Variants in CTIF observed in about 807,000 individuals in gnomAD.
CTIF encodes the protein cap binding complex dependent translation initiation factor.
CTIF carries 21 observed loss-of-function variants against 66.0 expected under a neutral mutation model. That is an observed-to-expected ratio of 0.32 (90% CI 0.23 to 0.46). The LOEUF is 0.46. Ranked by LOEUF, CTIF falls within the 20% of genes least tolerant of loss-of-function variation. CTIF has a pLI of 1.00. For synonymous variants in CTIF, 345 were observed against 326.4 expected (o/e 1.06, Z -0.62); for missense variants, 739 against 812.7 (o/e 0.91, Z 1.10).
intron 1 of CTIF, among the ~76,000 whole-genome samples, chr18:48,593,211 G>A (rs1017105449): frequency 9.9e-5 from 15 of 152,244 alleles, no homozygotes; most frequent in South Asian, 8.3e-4. Flanking sequence ...GCTGGGGAAC[G>A]CACCCAAGAT....
intron 7 of CTIF, among the ~76,000 whole-genome samples, chr18:48,729,784 G>A (rs1245956888): frequency 3.3e-5 from 5 of 152,230 alleles, no homozygotes; most frequent in African/African-American, 1.2e-4. Context: ...CAGATATGGT[G>A]GGGGTTCAGA....
At chr18:48,641,814 G>C (rs1374944191) in intron 3 of CTIF, among the ~76,000 whole-genome samples, 2 of 152,150 alleles carry the variant, frequency 1.3e-5, no homozygotes, top group Admixed American at 1.3e-4. Context: ...TTTCTCTACT[G>C]TTCCCCATCC....
intron 1 of CTIF, among the ~76,000 whole-genome samples, chr18:48,610,147 A>G (rs1423818937): frequency 2.0e-5 from 3 of 152,160 alleles, no homozygotes; most frequent in Admixed American, 2.0e-4. Context: ...AGGATTACGC[A>G]GTCTTATCAA....
At chr18:48,847,895 G>A (rs11665050) in intron 10 of CTIF, among the ~76,000 whole-genome samples, 3,108 of 152,248 alleles carry the variant, frequency 0.02, 43 homozygotes, top group Non-Finnish European at 0.028. Flanking sequence ...CTCCCTGAAC[G>A]GAGACCTAGA....
chr18:48,632,691 C>T (rs1032045010), intron 2 of CTIF, among the ~76,000 whole-genome samples: 4 of 152,204 alleles, frequency 2.6e-5, no homozygotes, highest in Admixed American at 6.5e-5. Flanking sequence ...TGTTGCCCCT[C>T]TTGGGCACCT....
intron 7 of CTIF, among the ~76,000 whole-genome samples, chr18:48,751,447 C>T (rs1199500750): frequency 6.6e-6 from 1 of 152,200 alleles, no homozygotes; most frequent in African/African-American, 2.4e-5. Flanking sequence ...TCCAAATGGA[C>T]CCTCAGCTTC....
At chr18:48,846,497 AGATG>A (rs1555705172) in intron 10 of CTIF, among the ~76,000 whole-genome samples, 2,383 of 136,842 alleles carry the variant, frequency 0.017, 31 homozygotes, top group Non-Finnish European at 0.025. Context: ...ATGAAAGGAT[AGATG>A]GATGGATGGA....
chr18:48,631,365 C>A (rs552217193), intron 2 of CTIF, among the ~76,000 whole-genome samples: 4 of 152,200 alleles, frequency 2.6e-5, no homozygotes, highest in African/African-American at 9.6e-5. Flanking sequence ...ACTTGGGAGG[C>A]TGAGGCAGGA....
At chr18:48,680,047 C>G (rs1267050334) in intron 6 of CTIF, among the ~76,000 whole-genome samples, 1 of 152,140 alleles carries the variant, frequency 6.6e-6, no homozygotes, top group East Asian at 1.9e-4. Flanking sequence ...TGCTCTCCAG[C>G]AAGGAAATGC....
intron 9 of CTIF, among the ~76,000 whole-genome samples, chr18:48,791,520 C>T (rs56848645): frequency 0.057 from 8,572 of 151,402 alleles, 358 homozygotes; most frequent in East Asian, 0.2. Context: ...GGAAGCCCCT[C>T]CCTCCCACCC....
At chr18:48,759,351 A>G (rs1298135043) in intron 8 of CTIF, among the ~76,000 whole-genome samples, 2 of 151,864 alleles carry the variant, frequency 1.3e-5, no homozygotes, top group Non-Finnish European at 2.9e-5. Context: ...ATCCTCCCCT[A>G]CTGCCGACTC....
chr18:48,851,883 T>TC (rs1294295396), intron 10 of CTIF, among the ~76,000 whole-genome samples: 1 of 152,138 alleles, frequency 6.6e-6, no homozygotes, highest in Non-Finnish European at 1.5e-5. Context: ...TTAAGGATTT[T>TC]TTTTTCCTGC....
intron 10 of CTIF, among the ~76,000 whole-genome samples, chr18:48,847,999 C>T (rs766862549): frequency 9.8e-5 from 15 of 152,298 alleles, no homozygotes; most frequent in African/African-American, 3.1e-4. Context: ...GTCCAGGTCC[C>T]GCAGAGGCAC....
intron 1 of CTIF, among the ~76,000 whole-genome samples, chr18:48,581,202 T>G (rs1378999123): frequency 3.3e-5 from 5 of 150,924 alleles, no homozygotes; most frequent in Non-Finnish European, 7.4e-5. Flanking sequence ...GAGTTTGATG[T>G]TTTTTTTTGT....
chr18:48,683,710 C>A (rs2091786795), intron 6 of CTIF, among the ~76,000 whole-genome samples: 1 of 152,154 alleles, frequency 6.6e-6, no homozygotes, highest in Non-Finnish European at 1.5e-5. Flanking sequence ...GGAGTGTTTT[C>A]ATTACTCCTG....
At chr18:48,645,408 G>C (rs924335967) in intron 3 of CTIF, among the ~76,000 whole-genome samples, 2 of 152,098 alleles carry the variant, frequency 1.3e-5, no homozygotes, top group Non-Finnish European at 2.9e-5. Flanking sequence ...CTTTTCGACT[G>C]TCACTGCTGT....
intron 9 of CTIF, among the ~76,000 whole-genome samples, chr18:48,775,642 G>A (rs1281085085): frequency 6.6e-6 from 1 of 152,394 alleles, no homozygotes; most frequent in East Asian, 1.9e-4. Context: ...ATAAAGGGGG[G>A]CAGGGCCAGC....
intron 9 of CTIF, among the ~76,000 whole-genome samples, chr18:48,776,318 A>C (rs1910668605): frequency 6.6e-6 from 1 of 152,198 alleles, no homozygotes; most frequent in Non-Finnish European, 1.5e-5. Flanking sequence ...ATGGGCGCCC[A>C]CCGCCCAACC....
At chr18:48,550,540 G>T (rs2088857636) in intron 1 of CTIF, among the ~76,000 whole-genome samples, 1 of 152,206 alleles carries the variant, frequency 6.6e-6, no homozygotes, top group Admixed American at 6.5e-5. Flanking sequence ...CAGGCCGTGG[G>T]GCTGACCATG....
Sources: gnomAD v4.1 joint callset for allele counts (sites outside exome capture counted in the v4.1 genomes callset) on GRCh38, gnomAD v4.1.1 for gene constraint, MANE v1.5 for transcripts, NCBI Gene and HGNC (gene_info 2026-07-23, HGNC 2026-07-21) for gene names.